SSPN: variants seen among roughly 807,000 people sequenced by gnomAD.
The protein encoded by SSPN is sarcospan.
Under a neutral mutation model 19.1 loss-of-function variants are expected in SSPN, and 15 were observed. The ratio of observed to expected loss-of-function variants is 0.78; its 90% CI spans 0.52 to 1.21. SSPN has a LOEUF of 1.21. Ranked by LOEUF, SSPN falls within the 50% of genes most tolerant of loss-of-function variation. The probability of loss-of-function intolerance (pLI) is 0.00; values close to 1 mark genes in which losing one functional copy is unlikely to be tolerated. For synonymous variants in SSPN, 147 were observed against 140.3 expected (o/e 1.05, Z -0.34); for missense variants, 291 against 314.0 (o/e 0.93, Z 0.55).
Position 26,230,948 on chromosome 12 carries a change from A to T in SSPN, c.604A>T (p.Asn202Tyr). The T allele has an allele frequency of 1.2e-6, 2 of 1,614,122 alleles. No homozygotes were observed. Among genetic ancestry groups the T allele is most frequent in the Non-Finnish European group, 1.7e-6 (2 of 1,180,014 alleles). The change falls in exon 3 of 3, where the codon AAT (asparagine) becomes TAT (tyrosine). Residue 202 changes from asparagine (N) to tyrosine (Y), a missense_variant. Physicochemically the swap from Asn to Tyr is moderately radical, Grantham distance 143. Transcript: ENST00000242729. ...GTTCTTACTCATCCAGATGATTCTT[A>T]ATTTGGTCTGCGGCCTTGTGTGCTT... ...KLFLLIQMILNLVCGLVCLLA... is the reference protein window; with the variant it reads ...KLFLLIQMILYLVCGLVCLLA...
intron 1 of SSPN, among the ~76,000 whole-genome samples, chr12:26,200,725 T>C (rs1300362887): frequency 6.6e-6 from 1 of 152,064 alleles, no homozygotes. Flanking sequence ...ATTATACTTT[T>C]AGGAGTATAC....
chr12:26,191,490 T>C (rs759499060), upstream of SSPN, among the ~76,000 whole-genome samples: 2 of 152,122 alleles, frequency 1.3e-5, no homozygotes, highest in Non-Finnish European at 2.9e-5. Flanking sequence ...GAGAAAGTCA[T>C]AAGCCCTTTG....
At chr12:26,181,562 A>T (rs1306272273) in intron 1 of SSPN, among the ~76,000 whole-genome samples, 4 of 152,254 alleles carry the variant, frequency 2.6e-5, no homozygotes, top group African/African-American at 9.6e-5. Flanking sequence ...AGTTTACAAA[A>T]GGCAGTTCTG....
intron 1 of SSPN, among the ~76,000 whole-genome samples, chr12:26,155,873 T>C (rs1944553095): frequency 6.6e-6 from 1 of 152,160 alleles, no homozygotes; most frequent in African/African-American, 2.4e-5. Flanking sequence ...AGAAGTTTCC[T>C]TGTGATAGAG....
chr12:26,226,263 A>C (rs1464180564), intron 2 of SSPN, among the ~76,000 whole-genome samples: 1 of 152,050 alleles, frequency 6.6e-6, no homozygotes, highest in Non-Finnish European at 1.5e-5. Context: ...TGCTTCTCAC[A>C]CTACTGGGGG....
At chr12:26,203,698 C>T (rs1019865831) in intron 1 of SSPN, among the ~76,000 whole-genome samples, 9 of 152,150 alleles carry the variant, frequency 5.9e-5, no homozygotes, top group African/African-American at 1.7e-4. Flanking sequence ...CTGTCTTAGT[C>T]GGCTCAGGCT....
intron 1 of SSPN, among the ~76,000 whole-genome samples, chr12:26,219,793 A>C (rs1377653253): frequency 6.6e-6 from 1 of 152,228 alleles, no homozygotes; most frequent in Non-Finnish European, 1.5e-5. Context: ...GCCTCTCAGC[A>C]CTAGCCTTCC....
rs903499791 is a variant in SSPN, at chr12:26,122,177, G to C, written c.-31+25G>C. The C allele has an allele frequency of 2.0e-6, 3 of 1,499,108 alleles. No individual in the cohort carries two copies. The African/African-American group carries it at 4.3e-5, about 22-fold the overall frequency. 92.9% of individuals were successfully genotyped at this position (1,499,108 alleles called of 1,614,324 possible). A position where few individuals can be genotyped will look rare whatever the true frequency, so the allele number is the denominator to read the frequency against. ...GGTGGGTGCGGCCGTGCGGGTGCTGGGGGTGCGGCGCCCCAAGGGGCGCCA... is the reference window on the plus strand; with the variant it reads ...GGTGGGTGCGGCCGTGCGGGTGCTGCGGGTGCGGCGCCCCAAGGGGCGCCA... On this transcript the variant is annotated intron_variant, in intron 1 of 2. Coordinates refer to the SSPN transcript ENST00000538142.
chr12:26,180,333 C>T (rs1246277239), intron 1 of SSPN: 2 of 152,172 alleles, frequency 1.3e-5, no homozygotes, highest in African/African-American at 2.4e-5. Context: ...CGGTCGTGCT[C>T]ATAGCAGCAG....
chr12:26,140,342 TATTA>T (rs1360412467), intron 1 of SSPN, among the ~76,000 whole-genome samples: 1 of 152,208 alleles, frequency 6.6e-6, no homozygotes, highest in Non-Finnish European at 1.5e-5. Flanking sequence ...CCTCTTCTTT[TATTA>T]ATTTTCTACA....
At chr12:26,207,808 T>G (rs1056890467) in intron 1 of SSPN, among the ~76,000 whole-genome samples, 1 of 151,950 alleles carries the variant, frequency 6.6e-6, no homozygotes, top group Non-Finnish European at 1.5e-5. Context: ...CTGGGCAACA[T>G]GGCAAAACCC....
At chr12:26,186,299 C>T (rs1944754021) in intron 1 of SSPN, among the ~76,000 whole-genome samples, 2 of 151,996 alleles carry the variant, frequency 1.3e-5, no homozygotes, top group Admixed American at 6.5e-5. Context: ...TATTAACATA[C>T]CACTTAATTT....
chr12:26,142,639 A>T (rs1012587219), intron 1 of SSPN, among the ~76,000 whole-genome samples: 2 of 152,218 alleles, frequency 1.3e-5, no homozygotes, highest in Non-Finnish European at 2.9e-5. Flanking sequence ...GGGAAAGATC[A>T]GGGCTAGAGA....
chr12:26,214,719 T>C (rs1158703017), intron 1 of SSPN: 1 of 152,234 alleles, frequency 6.6e-6, no homozygotes, highest in Non-Finnish European at 1.5e-5. Context: ...ATTTTCACCT[T>C]TCTCACTTTA....
chr12:26,224,552 G>C (rs1945157882), intron 2 of SSPN, among the ~76,000 whole-genome samples, 173 bp downstream of exon 2: 1 of 152,046 alleles, frequency 6.6e-6, no homozygotes, highest in Admixed American at 6.6e-5. Context: ...AGGTAATGCT[G>C]ATTTTTTTTT....
At chr12:26,134,877 G>A (rs1427703192) in intron 1 of SSPN, 1 of 152,278 alleles carries the variant, frequency 6.6e-6, no homozygotes, top group Non-Finnish European at 1.5e-5. Context: ...TGATATTGCA[G>A]GAAACTCAGT....
chr12:26,191,440 G>A (rs936334498), upstream of SSPN, among the ~76,000 whole-genome samples: 4 of 152,108 alleles, frequency 2.6e-5, no homozygotes, highest in African/African-American at 4.8e-5. Context: ...GCAACATAGT[G>A]AGACCCCATC....
intron 1 of SSPN, among the ~76,000 whole-genome samples, chr12:26,154,170 A>G (rs1483392829): frequency 1.3e-5 from 2 of 152,222 alleles, no homozygotes; most frequent in Admixed American, 6.5e-5. Context: ...GCCCATTTCT[A>G]TATTTTTCAC....
At chr12:26,177,311 C>T (rs1419398706) in intron 1 of SSPN, among the ~76,000 whole-genome samples, 1 of 152,202 alleles carries the variant, frequency 6.6e-6, no homozygotes, top group Non-Finnish European at 1.5e-5. Flanking sequence ...AGCCTAGGCT[C>T]CTGAAACCCT....
Sources: allele counts gnomAD v4.1 joint callset (sites outside exome capture counted in the v4.1 genomes callset), GRCh38; gene constraint gnomAD v4.1.1; transcripts MANE v1.5; gene names NCBI Gene and HGNC (gene_info 2026-07-23, HGNC 2026-07-21).